The following ADGRL3 variants were observed in gnomAD, a reference collection of about 807,000 sequenced individuals.
ADGRL3 encodes adhesion G protein-coupled receptor L3.
A neutral mutation model predicts 153.5 loss-of-function variants in ADGRL3; 62 were observed. The observed-to-expected ratio is 0.40, with a 90% CI of 0.33 to 0.50. The LOEUF is 0.50. ADGRL3 is among the 20% of genes least tolerant of loss of function. ADGRL3 has a pLI of 0.47. For missense variants in ADGRL3, 1,641 were observed against 1,859.4 expected (o/e 0.88, Z 2.16); for synonymous variants, 710 against 672.5 (o/e 1.06, Z -0.86).
chr4:61,285,508 G>A (rs1027622219), intron 1 of ADGRL3, among the ~76,000 whole-genome samples: 1 of 151,736 alleles, frequency 6.6e-6, no homozygotes, highest in Admixed American at 6.6e-5. Context: ...TTTTTTAGCA[G>A]TGTTGCCCCA....
At chr4:61,866,979 G>T (rs35669880) in intron 9 of ADGRL3, among the ~76,000 whole-genome samples, 1 of 151,764 alleles carries the variant, frequency 6.6e-6, no homozygotes, top group Non-Finnish European at 1.5e-5. Flanking sequence ...TGCACAGACC[G>T]TATAAGGATT....
At chr4:61,796,520 GA>G in intron 8 of ADGRL3, among the ~76,000 whole-genome samples, 1 of 152,256 alleles carries the variant, frequency 6.6e-6, no homozygotes, top group Middle Eastern at 3.4e-3. Context: ...ATTCTGAGGG[GA>G]TAGGGTTGGA....
intron 5 of ADGRL3, among the ~76,000 whole-genome samples, chr4:61,606,828 G>C (rs1427029633): frequency 6.6e-6 from 1 of 152,082 alleles, no homozygotes; most frequent in South Asian, 2.1e-4. Flanking sequence ...AAAATAATGG[G>C]GGTATGAGGA....
rs566981274 is a variant in ADGRL3, at chr4:62,052,217, T to G, written c.3814+7668T>G. 3.3e-5 allele frequency among the ~76,000 whole-genome samples: 5 copies of G among 151,768 alleles called. 1 individual carries two copies. The East Asian group carries it at 7.7e-4, about 23-fold the overall frequency. On this transcript the variant is annotated intron_variant, in intron 25 of 26. Transcript: ENST00000683033. ...GCCCTATACAGGATAACAAAAACAT[T>G]CATTCTTTTCATATAATGACAATTT...
intron 4 of ADGRL3, among the ~76,000 whole-genome samples, chr4:61,579,853 G>A (rs1021972283): frequency 1.3e-5 from 2 of 152,000 alleles, no homozygotes; most frequent in Non-Finnish European, 2.9e-5. Flanking sequence ...TTAGAATTCA[G>A]TGTATTAGAA....
At chr4:61,566,885 A>G (rs890574380) in intron 4 of ADGRL3, among the ~76,000 whole-genome samples, 1 of 152,194 alleles carries the variant, frequency 6.6e-6, no homozygotes, top group South Asian at 2.1e-4. Context: ...CAAAAATATA[A>G]CATCCTAACT....
intron 6 of ADGRL3, among the ~76,000 whole-genome samples, chr4:61,713,446 T>C (rs2096042587): frequency 6.6e-6 from 1 of 152,032 alleles, no homozygotes; most frequent in African/African-American, 2.4e-5. Flanking sequence ...TCAAGTTCCT[T>C]TCTAATTTAC....
At chr4:61,814,046 A>G (rs1221952037) in intron 9 of ADGRL3, among the ~76,000 whole-genome samples, 157 bp downstream of exon 9, 2 of 152,230 alleles carry the variant, frequency 1.3e-5, no homozygotes, top group African/African-American at 2.4e-5. Flanking sequence ...AGTCTCATTT[A>G]TAAACAAAAA....
chr4:62,005,749 G>C (rs145518576), intron 21 of ADGRL3, among the ~76,000 whole-genome samples: 8 of 151,476 alleles, frequency 5.3e-5, no homozygotes, highest in Admixed American at 5.3e-4. Context: ...CATAAGAGTA[G>C]AATAAATCAG....
chr4:61,456,397 C>CTATATATATATATAGA (rs1560664211), intron 2 of ADGRL3, among the ~76,000 whole-genome samples: 50 of 90,062 alleles, frequency 5.6e-4, no homozygotes, highest in Non-Finnish European at 7.1e-4. Flanking sequence ...ATAGATATAT[C>CTATATATATATATAGA]TATATCTATA....
chr4:62,043,609 G>T (rs1472829999), intron 24 of ADGRL3, among the ~76,000 whole-genome samples: 1 of 152,026 alleles, frequency 6.6e-6, no homozygotes, highest in Admixed American at 6.6e-5. Flanking sequence ...ATAAGTAGTA[G>T]CAATGTTTCT....
At chr4:61,611,989 C>G (rs1034436974) in intron 5 of ADGRL3, among the ~76,000 whole-genome samples, 3 of 151,866 alleles carry the variant, frequency 2.0e-5, no homozygotes, top group African/African-American at 7.3e-5. Flanking sequence ...TTAGAATAAG[C>G]CTCATACATT....
chr4:61,753,341 G>T (rs1246758678), intron 8 of ADGRL3, among the ~76,000 whole-genome samples: 1 of 152,130 alleles, frequency 6.6e-6, no homozygotes, highest in African/African-American at 2.4e-5. Flanking sequence ...TTGGCTCAAA[G>T]TGTCTTTAGA....
At chr4:61,657,208 G>A (rs1272097272) in intron 5 of ADGRL3, among the ~76,000 whole-genome samples, 1 of 151,952 alleles carries the variant, frequency 6.6e-6, no homozygotes, top group Non-Finnish European at 1.5e-5. Context: ...ATCCATAAGA[G>A]TGACTTTCCC....
At chr4:61,613,534 A>C (rs1229862866) in intron 5 of ADGRL3, among the ~76,000 whole-genome samples, 1 of 152,176 alleles carries the variant, frequency 6.6e-6, no homozygotes, top group African/African-American at 2.4e-5. Context: ...GGTTGAGGTC[A>C]GGAGTTCGAG....
chr4:61,725,601 A>G (rs1445515664), intron 6 of ADGRL3, among the ~76,000 whole-genome samples: 2 of 118,542 alleles, frequency 1.7e-5, no homozygotes, highest in Admixed American at 2.0e-4. Flanking sequence ...TCTCAAAAAA[A>G]AAAAACCAAA....
chr4:61,924,380 G>A (rs566986745), intron 13 of ADGRL3, among the ~76,000 whole-genome samples: 1 of 152,256 alleles, frequency 6.6e-6, no homozygotes, highest in East Asian at 1.9e-4. Flanking sequence ...CACCCTTGGT[G>A]ATCTCATTGA....
At chr4:61,841,758 C>T (rs10021525) in intron 9 of ADGRL3, among the ~76,000 whole-genome samples, 55,227 of 151,696 alleles carry the variant, frequency 0.36, 12,633 homozygotes, top group East Asian at 0.75. Flanking sequence ...CATAAGAATA[C>T]TAAATCGTCT....
chr4:61,675,840 C>A (rs1197128812), intron 5 of ADGRL3, among the ~76,000 whole-genome samples: 2 of 151,648 alleles, frequency 1.3e-5, no homozygotes, highest in Non-Finnish European at 2.9e-5. Context: ...TTTAAATGTA[C>A]AATTAAATTA....
Sources: gnomAD v4.1 joint callset for allele counts (sites outside exome capture counted in the v4.1 genomes callset) on GRCh38, gnomAD v4.1.1 for gene constraint, MANE v1.5 for transcripts, NCBI Gene and HGNC (gene_info 2026-07-23, HGNC 2026-07-21) for gene names.